Variants in SLC1A6 observed in about 807,000 individuals in gnomAD.
The protein encoded by SLC1A6 is excitatory amino acid transporter 4.
A neutral mutation model predicts 42.1 loss-of-function variants in SLC1A6; 15 were observed. That is an observed-to-expected ratio of 0.36 (90% CI 0.24 to 0.55). The LOEUF is 0.55. SLC1A6 is among the 20% of genes least tolerant of loss of function. The pLI is 0.88. For missense variants in SLC1A6, 542 were observed against 772.5 expected (o/e 0.70, Z 3.54); for synonymous variants, 317 against 319.7 (o/e 0.99, Z 0.09).
At chr19:14,962,396 A>G in intron 5 of SLC1A6, 51 bp from the exon 6 acceptor site, 1 of 1,397,228 alleles carries the variant, frequency 7.2e-7, no homozygotes, top group Non-Finnish European at 1.0e-6. Flanking sequence ...ATGCATTAGA[A>G]TCGCCTGGAG....
At chr19:14,968,157 T>A in intron 4 of SLC1A6, 146 bp downstream of exon 4, 1 of 655,468 alleles carries the variant, frequency 1.5e-6, no homozygotes, top group Non-Finnish European at 2.6e-6. Context: ...CTCCAACCCC[T>A]CCTCCTTAGA....
Position 14,994,885 on chromosome 19 carries a change from A to G in SLC1A6, c.6+15600T>C, listed in dbSNP as rs576731726. Among the ~76,000 whole-genome samples the G allele has an allele frequency of 3.9e-5, 6 of 152,092 alleles. No homozygotes were observed. The East Asian group carries it at 1.2e-3, about 29-fold the overall frequency. The stretch of plus-strand genomic sequence containing the variant: ...CACAATGGGATAGTATTCAGCCACA[A>G]AAAAAATAAGGAAATCCTGCCATTT... On this transcript the variant is annotated intron_variant, in intron 1 of 8. Coordinates refer to the SLC1A6 transcript ENST00000430939.
Position 14,950,112 on chromosome 19 carries a change from T to C in SLC1A6, c.*83A>G. ...AGCAGAACGTGTGTTCAGCCCACGG[T>C]CAGTTGGGCAACAGATGTGTCACCA... On this transcript the variant is annotated 3_prime_UTR_variant, in exon 10 of 10. Coordinates refer to ENST00000594383, the MANE Select transcript of SLC1A6 (RefSeq NM_005071.3). 2.0e-6 allele frequency: 2 copies of C among 1,007,990 alleles called. No homozygotes were observed. The highest frequency in any genetic ancestry group is 2.0e-5 in the South Asian group (1 of 50,346). 62.4% of individuals were successfully genotyped at this position (1,007,990 alleles called of 1,614,324 possible). A position where few individuals can be genotyped will look rare whatever the true frequency, so the allele number is the denominator to read the frequency against.
intron 1 of SLC1A6, among the ~76,000 whole-genome samples, chr19:15,008,044 A>G (rs892700467): frequency 3.4e-5 from 5 of 146,502 alleles, no homozygotes; most frequent in Admixed American, 3.4e-4. Context: ...AAAAAAACCA[A>G]CCACACACAC....
At chr19:14,992,241 T>C (rs2045824145) in intron 1 of SLC1A6, among the ~76,000 whole-genome samples, 1 of 152,206 alleles carries the variant, frequency 6.6e-6, no homozygotes, top group Admixed American at 6.5e-5. Flanking sequence ...ATGAGTTGTT[T>C]TTAATTATTG....
upstream of SLC1A6, among the ~76,000 whole-genome samples, chr19:14,982,472 T>C (rs748138383): frequency 1.2e-4 from 19 of 152,274 alleles, no homozygotes; most frequent in Middle Eastern, 3.4e-3. Context: ...GAGTTTGCAG[T>C]GAGCCAAGGT....
chr19:15,000,608 C>A (rs10417947), intron 1 of SLC1A6, among the ~76,000 whole-genome samples: 20 of 152,082 alleles, frequency 1.3e-4, no homozygotes, highest in Non-Finnish European at 5.9e-5. Context: ...TTTATCCAAC[C>A]GGATGGACTC....
chr19:14,968,918 C>T (rs2045606049), intron 3 of SLC1A6, among the ~76,000 whole-genome samples: 2 of 152,018 alleles, frequency 1.3e-5, no homozygotes, highest in African/African-American at 4.8e-5. Flanking sequence ...CAGCTCAGTA[C>T]AACCTCCATC....
chr19:14,972,656 A>G, intron 2 of SLC1A6, 50 bp downstream of exon 2: 1 of 1,522,764 alleles, frequency 6.6e-7, no homozygotes, highest in African/African-American at 1.4e-5. Flanking sequence ...AATTTCCCTG[A>G]AGTCCCCGCC....
chr19:15,008,844 G>GT (rs33972917), intron 1 of SLC1A6, among the ~76,000 whole-genome samples: 2,250 of 142,392 alleles, frequency 0.016, 19 homozygotes, highest in African/African-American at 0.019. Context: ...AATAATTCGC[G>GT]TTTTTTTTTT....
chr19:14,981,707 G>A (rs910217226), upstream of SLC1A6, among the ~76,000 whole-genome samples: 28 of 152,174 alleles, frequency 1.8e-4, no homozygotes, highest in African/African-American at 6.8e-4. Context: ...TTGTTCCCTG[G>A]CAATTGGCCT....
chr19:15,006,916 G>T (rs922928812), intron 1 of SLC1A6, among the ~76,000 whole-genome samples: 6 of 152,140 alleles, frequency 3.9e-5, no homozygotes, highest in African/African-American at 1.4e-4. Flanking sequence ...TCGTGCTACT[G>T]CACTCCAGCC....
At chr19:14,964,964 C>T (rs2045557043) in intron 4 of SLC1A6, among the ~76,000 whole-genome samples, 3 of 151,916 alleles carry the variant, frequency 2.0e-5, no homozygotes, top group East Asian at 1.9e-4. Context: ...GGGACACTTA[C>T]ACACTGCTGG....
chr19:14,962,380 C>T, intron 5 of SLC1A6, 35 bp from the exon 6 acceptor site: 1 of 1,509,564 alleles, frequency 6.6e-7, no homozygotes, highest in Non-Finnish European at 9.2e-7. Context: ...AGATTCAATT[C>T]AGCGGATGCA....
chr19:14,983,607 G>A (rs185444803), upstream of SLC1A6, among the ~76,000 whole-genome samples: 75 of 151,368 alleles, frequency 5.0e-4, no homozygotes, highest in Non-Finnish European at 9.6e-4. Flanking sequence ...AGGATCGCTT[G>A]AGCCTGGAAG....
chr19:14,951,745 T>C (rs2045415474), intron 9 of SLC1A6, among the ~76,000 whole-genome samples: 1 of 152,152 alleles, frequency 6.6e-6, no homozygotes, highest in Admixed American at 6.5e-5. Flanking sequence ...CTTGAACTCC[T>C]GACCTCAGGT....
chr19:14,963,664 G>A (rs2045540790), intron 5 of SLC1A6, among the ~76,000 whole-genome samples: 1 of 152,110 alleles, frequency 6.6e-6, no homozygotes, highest in Non-Finnish European at 1.5e-5. Context: ...CAACCAATGT[G>A]TGGAAGTAGT....
chr19:14,992,041 G>A (rs1168335768), intron 1 of SLC1A6, among the ~76,000 whole-genome samples: 1 of 152,040 alleles, frequency 6.6e-6, no homozygotes, highest in African/African-American at 2.4e-5. Context: ...GGGCAGGCTG[G>A]TCTTGAACTC....
chr19:14,986,369 A>T (rs1234388037), intron 1 of SLC1A6, among the ~76,000 whole-genome samples: 1 of 151,834 alleles, frequency 6.6e-6, no homozygotes, highest in Non-Finnish European at 1.5e-5. Context: ...AATACAAAAA[A>T]AAATTAGCCC....
Sources: allele counts gnomAD v4.1 joint callset (sites outside exome capture counted in the v4.1 genomes callset), GRCh38; gene constraint gnomAD v4.1.1; transcripts MANE v1.5; gene names NCBI Gene and HGNC (gene_info 2026-07-23, HGNC 2026-07-21).